The following A2M variants were observed in gnomAD, a reference collection of about 807,000 sequenced individuals.
A2M encodes C3 and PZP-like alpha-2-macroglobulin domain-containing protein 5.
Under a neutral mutation model 183.9 loss-of-function variants are expected in A2M, and 128 were observed. The ratio of observed to expected loss-of-function variants is 0.70; its 90% confidence interval spans 0.60 to 0.81. The LOEUF is 0.81. Among genes scored for constraint, A2M ranks in the 30% least tolerant of loss-of-function variants. The pLI, the probability that A2M is intolerant of heterozygous loss-of-function variation, is 0.00. For synonymous variants in A2M, 592 were observed against 670.8 expected, an observed-to-expected ratio of 0.88 and a Z score of 1.81; for missense variants, 1,495 against 1,787.6, an observed-to-expected ratio of 0.84 and a Z score of 2.95.
At chr12:9,110,783 A>G (rs1646826111) in intron 4 of A2M, among the ~76,000 whole-genome samples, 2 of 152,162 alleles carry the variant, frequency 1.3e-5, no homozygotes, top group South Asian at 4.1e-4. Flanking sequence ...AAATACAGAA[A>G]TATTCCAGAT....
chr12:9,073,978 C>T (rs1948657067), intron 29 of A2M, among the ~76,000 whole-genome samples: 2 of 151,130 alleles, frequency 1.3e-5, no homozygotes, highest in South Asian at 2.1e-4. Flanking sequence ...ATCCTAGATA[C>T]TTGGGAGGCT....
intron 22 of A2M, among the ~76,000 whole-genome samples, chr12:9,086,199 T>G (rs1949047561): frequency 6.6e-6 from 1 of 152,100 alleles, no homozygotes; most frequent in African/African-American, 2.4e-5. Flanking sequence ...AAAAAAGAAT[T>G]ACAGACCAAT....
chr12:9,095,652 A>G lies in A2M; in HGVS notation c.1900T>C (p.Leu634=). The G allele has an allele frequency of 6.2e-7, 1 of 1,613,302 alleles. No individual in the cohort carries two copies. The change falls in exon 16 of 36, where the codon TTG becomes CTG. Residue 634 remains leucine, a synonymous_variant. Coordinates refer to ENST00000318602, the MANE Select transcript of A2M (RefSeq NM_000014.6). ...CAGTCTTCATTGTCCTGGTCATTCA[A>G]AGGCCCAGGGAAGCCAGTGAGGTCC... The part of the protein sequence containing the change: ...EKDLTGFPGP[L]NDQDNEDCIN...
chr12:9,110,873 A>G (rs1938674290), intron 4 of A2M, among the ~76,000 whole-genome samples: 1 of 152,178 alleles, frequency 6.6e-6, no homozygotes, highest in African/African-American at 2.4e-5. Flanking sequence ...CTTCAGCAAC[A>G]AATATACATG....
intron 22 of A2M, among the ~76,000 whole-genome samples, chr12:9,086,102 C>T (rs1409840532): frequency 6.6e-6 from 1 of 152,106 alleles, no homozygotes; most frequent in African/African-American, 2.4e-5. Context: ...TCAAACTCTG[C>T]CAAAAGCTGG....
chr12:9,099,201 G>A (rs996531225), intron 14 of A2M, among the ~76,000 whole-genome samples, 180 bp downstream of exon 14: 9 of 148,196 alleles, frequency 6.1e-5, no homozygotes, highest in African/African-American at 2.2e-4. Context: ...AAGTTTGAGA[G>A]TTTTGTATAA....
intron 11 of A2M, among the ~76,000 whole-genome samples, chr12:9,103,675 G>A (rs964293162): frequency 2.6e-5 from 4 of 152,116 alleles, no homozygotes; most frequent in African/African-American, 4.8e-5. Context: ...TGGTCTTTTT[G>A]TGACTAGCTT....
chr12:9,068,018 A>G, intron 35 of A2M, 165 bp downstream of exon 35: 1 of 979,256 alleles, frequency 1.0e-6, no homozygotes, highest in Non-Finnish European at 1.6e-6. Context: ...GAGGTTTGAC[A>G]GAGTCAGCGG....
chr12:9,076,700 A>T, intron 28 of A2M, 56 bp downstream of exon 28: 1 of 1,586,202 alleles, frequency 6.3e-7, no homozygotes, highest in Non-Finnish European at 8.6e-7. Context: ...GATTTTTGCC[A>T]TGCAGTTCTT....
At chr12:9,083,581 A>G (rs1948970717) in intron 22 of A2M, among the ~76,000 whole-genome samples, 1 of 152,024 alleles carries the variant, frequency 6.6e-6, no homozygotes, top group African/African-American at 2.4e-5. Flanking sequence ...AAGATAGAGT[A>G]TTTGGAATTA....
chr12:9,093,456 GTTACTTACT>G lies in A2M; in HGVS notation c.2240_2240+8del. The stretch of plus-strand genomic sequence containing the variant: ...TTGTTGCATATTGCATATGCAGGAA[GTTACTTACT>G]TTACCACCACCAAATCCCAGATCCA... On this transcript the variant is annotated splice_donor_variant and splice_donor_5th_base_variant and coding_sequence_variant and intron_variant, in exon 18 of 36. Transcript: ENST00000318602. LOFTEE classifies it high-confidence loss of function. 6.2e-7 allele frequency: 1 copy of G among 1,600,040 alleles called. No homozygotes were observed. Among genetic ancestry groups the G allele is most frequent in the Non-Finnish European group, 8.6e-7 (1 of 1,167,260 alleles).
intron 33 of A2M, 87 bp downstream of exon 33, chr12:9,069,658 G>T: frequency 1.1e-6 from 1 of 949,216 alleles, no homozygotes; most frequent in Non-Finnish European, 1.6e-6. Context: ...TGGAAGTGAT[G>T]TTTCTAAAAT....
intron 22 of A2M, among the ~76,000 whole-genome samples, chr12:9,082,189 C>T (rs1359722859): frequency 1.3e-5 from 2 of 152,238 alleles, no homozygotes; most frequent in Non-Finnish European, 2.9e-5. Flanking sequence ...TAGCAATCCT[C>T]TATTATGCAC....
intron 15 of A2M, among the ~76,000 whole-genome samples, chr12:9,096,067 A>G (rs1017246641): frequency 6.6e-6 from 1 of 152,140 alleles, no homozygotes; most frequent in Non-Finnish European, 1.5e-5. Flanking sequence ...CCTTTGTGAC[A>G]TTTTTTAAGT....
intron 2 of A2M, among the ~76,000 whole-genome samples, 186 bp downstream of exon 2, chr12:9,113,174 G>A (rs1938875367): frequency 6.8e-6 from 1 of 148,080 alleles, no homozygotes; most frequent in Non-Finnish European, 1.5e-5. Flanking sequence ...TAGTTTGCCT[G>A]TAAATATTTG....
rs770319487 is a variant in A2M at position 9,098,472 on chromosome 12, A to G, written c.1851+135T>C. On this transcript the variant is annotated intron_variant, in intron 15 of 35. Coordinates refer to ENST00000318602, the MANE Select transcript of A2M (RefSeq NM_000014.6). Reference sequence around the variant, plus strand: ...TATAATTCCTTACCAATGAAAGCCCACAAGAGAGCTCAAAGCAATTAATTC... The same window carrying G: ...TATAATTCCTTACCAATGAAAGCCCGCAAGAGAGCTCAAAGCAATTAATTC... 9 of 897,008 alleles carry G rather than the reference A, an allele frequency of 1.0e-5. No homozygotes were observed. In the Admixed American group the frequency reaches 2.9e-4, roughly 29 times the overall value. 55.6% of individuals were successfully genotyped at this position (897,008 alleles called of 1,614,324 possible). A position where few individuals can be genotyped will look rare whatever the true frequency, so the allele number is the denominator to read the frequency against.
Position 9,094,879 on chromosome 12 carries a change from T to C in A2M, c.2125+94A>G, listed in dbSNP as rs1166460452. The C allele has an allele frequency of 1.8e-5, 11 of 614,112 alleles. No homozygotes were observed. The East Asian group carries it at 3.1e-4, about 17-fold the overall frequency. The allele number at this position is 614,112 out of a possible 1,614,324, so 38.0% of individuals were successfully genotyped here. A position where few individuals can be genotyped will look rare whatever the true frequency, so the allele number is the denominator to read the frequency against. On this transcript the variant is annotated intron_variant, in intron 17 of 35. Transcript: ENST00000318602. ...TAATATGTATGACTCACATGTCCTTTTTGTTTGTTAATTTTTGTCACATTG... is the reference window on the plus strand; with the variant it reads ...TAATATGTATGACTCACATGTCCTTCTTGTTTGTTAATTTTTGTCACATTG...
Position 9,076,823 on chromosome 12 carries a change from G to C in A2M, c.3465C>G (p.Ala1155=). Reference sequence around the variant, plus strand: ...TCCTCTTGTCCTGGTTACCTGCCAGGGCAAAAGCATAGGCCAGCAGTGCTT... The same window carrying C: ...TCCTCTTGTCCTGGTTACCTGCCAGCGCAAAAGCATAGGCCAGCAGTGCTT... ...YTKALLAYAF[A]LAGNQDKRKE... The change falls in exon 28 of 36, where the codon GCC becomes GCG. Residue 1155 remains alanine, a synonymous_variant. Coordinates refer to ENST00000318602, the MANE Select transcript of A2M (RefSeq NM_000014.6). The C allele has an allele frequency of 4.3e-6, 7 of 1,613,990 alleles. No homozygotes were observed. Among genetic ancestry groups the C allele is most frequent in the East Asian group, 2.2e-5 (1 of 44,880 alleles).
chr12:9,095,421 C>A, intron 16 of A2M, 118 bp downstream of exon 16: 1 of 976,906 alleles, frequency 1.0e-6, no homozygotes, highest in Non-Finnish European at 1.5e-6. Flanking sequence ...AAGCCACTTA[C>A]CTCTTTATAT....
Sources: gnomAD v4.1 joint callset for allele counts (sites outside exome capture counted in the v4.1 genomes callset) on GRCh38, gnomAD v4.1.1 for gene constraint, MANE v1.5 for transcripts, NCBI Gene and HGNC (gene_info 2026-07-23, HGNC 2026-07-21) for gene names.